The following ZNF354B variants were observed in gnomAD, a reference collection of about 807,000 sequenced individuals.
The protein encoded by ZNF354B is zinc finger protein 354B.
In ZNF354B, 10 loss-of-function variants were observed where a neutral mutation model predicts 12.9. That is an observed-to-expected ratio of 0.77 (90% CI 0.48 to 1.31). The LOEUF is 1.31. Among genes scored for constraint, ZNF354B ranks in the 40% most tolerant of loss-of-function variants. The pLI, the probability that ZNF354B is intolerant of heterozygous loss-of-function variation, is 0.00. For missense variants in ZNF354B, 614 were observed against 711.7 expected (o/e 0.86, Z 1.56); for synonymous variants, 260 against 243.7 (o/e 1.07, Z -0.62).
In ZNF354B at chr5:178,882,724, C is replaced by G; in HGVS notation, c.272C>G (p.Pro91Arg). The change falls in exon 5 of 5, where the codon CCT becomes CGT. Residue 91 changes from proline to arginine, a missense_variant. Physicochemically the swap from Pro to Arg is moderately radical, Grantham distance 103. Coordinates refer to ENST00000322434, the MANE Select transcript of ZNF354B (RefSeq NM_058230.3). ...CTTTTTTCAGGATGTAAGAGCACAC[C>G]TAAAATGACAAAGTCAACTCAAACT... Reference protein sequence around the residue: ...GVSSLGCKSTPKMTKSTQTQD... With the variant: ...GVSSLGCKSTRKMTKSTQTQD... 1 of 1,564,870 alleles carries G rather than the reference C, an allele frequency of 6.4e-7. No individual in the cohort carries two copies. Among genetic ancestry groups the G allele is most frequent in the Non-Finnish European group, 8.6e-7 (1 of 1,165,490 alleles).
At chr5:178,871,741 C>T (rs779652330) in intron 4 of ZNF354B, among the ~76,000 whole-genome samples, 9 of 151,890 alleles carry the variant, frequency 5.9e-5, no homozygotes, top group Non-Finnish European at 1.0e-4. Context: ...GACTTGGATT[C>T]GATGTGGAAG....
chr5:178,878,099 T>G (rs1180903541), intron 4 of ZNF354B, among the ~76,000 whole-genome samples: 1 of 151,960 alleles, frequency 6.6e-6, no homozygotes, highest in African/African-American at 2.4e-5. Flanking sequence ...AAAGTCACAG[T>G]TAGGCCGGGC....
rs1757619486 is a variant in ZNF354B, at chr5:178,875,195, C to G, written c.257-7514C>G. The stretch of plus-strand genomic sequence containing the variant: ...CACATCTCAGCTTAGCATTGCCAGG[C>G]TGCCCACCATAGCTCTGGGGTGATC... On this transcript the variant is annotated intron_variant, in intron 4 of 4. Transcript: ENST00000322434. Among the ~76,000 whole-genome samples the G allele has an allele frequency of 2.0e-5, 3 of 152,310 alleles. 1 individual carries two copies. Among genetic ancestry groups the G allele is most frequent in the South Asian group, 4.1e-4 (2 of 4,826 alleles).
intron 1 of ZNF354B, 39 bp downstream of exon 1, chr5:178,860,166 C>G (rs544770444): frequency 2.6e-5 from 4 of 152,516 alleles, no homozygotes; most frequent in Admixed American, 2.6e-4. Context: ...GGAGGCGGCG[C>G]CTGGCGCCAG....
intron 3 of ZNF354B, 148 bp from the exon 4 acceptor site, chr5:178,866,828 C>G: frequency 2.8e-6 from 2 of 703,202 alleles, no homozygotes; most frequent in East Asian, 2.8e-5. Flanking sequence ...ATAGATCATT[C>G]TATAGATGCC....
chr5:178,881,783 A>G (rs1339573588), intron 4 of ZNF354B, among the ~76,000 whole-genome samples: 1 of 152,186 alleles, frequency 6.6e-6, no homozygotes, highest in Non-Finnish European at 1.5e-5. Flanking sequence ...AGCTAGGATT[A>G]CAGGCGTGCG....
chr5:178,882,575 G>A, intron 4 of ZNF354B, 134 bp from the exon 5 acceptor site: 2 of 802,726 alleles, frequency 2.5e-6, no homozygotes, highest in Non-Finnish European at 3.6e-6. Flanking sequence ...ATTTTATATA[G>A]TGTTTTTTAG....
chr5:178,873,133 TAGTTG>T (rs1463125113), intron 4 of ZNF354B, among the ~76,000 whole-genome samples: 3 of 152,224 alleles, frequency 2.0e-5, no homozygotes, highest in Admixed American at 2.0e-4. Flanking sequence ...GTTCATTTTC[TAGTTG>T]AGTTATTTTG....
At chr5:178,874,047 C>G (rs1757600996) in intron 4 of ZNF354B, among the ~76,000 whole-genome samples, 1 of 150,748 alleles carries the variant, frequency 6.6e-6, no homozygotes, top group African/African-American at 2.4e-5. Flanking sequence ...ACCTCCACTT[C>G]CTGGGCTCAA....
Position 178,883,272 on chromosome 5 carries a change from G to C in ZNF354B, c.820G>C (p.Glu274Gln), listed in dbSNP as rs377384765. The C allele has an allele frequency of 2.5e-6, 4 of 1,613,346 alleles. No individual in the cohort carries two copies. The South Asian group carries it at 4.4e-5, about 18-fold the overall frequency. The change falls in exon 5 of 5, where the codon GAA (glutamate) becomes CAA (glutamine). Residue 274 changes from glutamate to glutamine, a missense_variant. Transcript: ENST00000322434. ...HTGEKPYICKECGKAFSHSAS... is the reference protein window; with the variant it reads ...HTGEKPYICKQCGKAFSHSAS... The stretch of plus-strand genomic sequence containing the variant: ...AGGAGAGAAACCCTATATATGTAAA[G>C]AATGTGGGAAAGCCTTCAGCCATAG...
chr5:178,866,839 A>G, intron 3 of ZNF354B, 137 bp from the exon 4 acceptor site: 1 of 743,856 alleles, frequency 1.3e-6, no homozygotes, highest in Non-Finnish European at 2.2e-6. Flanking sequence ...TATAGATGCC[A>G]GTTTATAAGT....
Position 178,860,615 on chromosome 5 carries a change from T to C in ZNF354B, c.-51-382T>C, listed in dbSNP as rs930865559. ...GGAAGTCGTCCCGGGGCCGTCGTGGTGGGAGTCCCGGCCCGCCTCGCAGCG... is the reference window on the plus strand; with the variant it reads ...GGAAGTCGTCCCGGGGCCGTCGTGGCGGGAGTCCCGGCCCGCCTCGCAGCG... On this transcript the variant is annotated intron_variant, in intron 1 of 4. Transcript: ENST00000322434. 120 of 171,072 alleles carry C rather than the reference T, an allele frequency of 7.0e-4. 1 individual carries two copies. The highest frequency in any genetic ancestry group is 7.2e-4 in the Admixed American group (12 of 16,566). 10.6% of individuals were successfully genotyped at this position (171,072 alleles called of 1,614,324 possible).
At chr5:178,878,817 T>G (rs189318854) in intron 4 of ZNF354B, among the ~76,000 whole-genome samples, 230 of 151,902 alleles carry the variant, frequency 1.5e-3, no homozygotes, top group African/African-American at 5.1e-3. Context: ...ATTCTCTGCC[T>G]TAGCCTCCCA....
At chr5:178,864,391 G>A (rs1757413251) in intron 2 of ZNF354B, among the ~76,000 whole-genome samples, 2 of 152,154 alleles carry the variant, frequency 1.3e-5, no homozygotes, top group African/African-American at 4.8e-5. Flanking sequence ...TATAGCCCGG[G>A]TGTGTGGGAG....
At chr5:178,870,851 G>A (rs1037633881) in intron 4 of ZNF354B, among the ~76,000 whole-genome samples, 1 of 151,572 alleles carries the variant, frequency 6.6e-6, no homozygotes, top group Admixed American at 6.6e-5. Flanking sequence ...AGAGATGGAG[G>A]TCTTGCTATG....
rs574349164 is a variant in ZNF354B at position 178,860,069 on chromosome 5, C to T, written c.-110C>T. The T allele has an allele frequency of 1.3e-5, 2 of 152,612 alleles. No homozygotes were observed. Among genetic ancestry groups the T allele is most frequent in the South Asian group, 4.1e-4 (2 of 4,834 alleles). 9.5% of individuals were successfully genotyped at this position (152,612 alleles called of 1,614,324 possible). On this transcript the variant is annotated 5_prime_UTR_variant, in exon 1 of 5. Coordinates refer to ENST00000322434, the MANE Select transcript of ZNF354B (RefSeq NM_058230.3). ...GAGGAGCCGGGTCACGAGGCTGGAG[C>T]TTCCTGCTTGCAGAGTGCGGCGGGG...
At chr5:178,870,255 G>A (rs1370771389) in intron 4 of ZNF354B, among the ~76,000 whole-genome samples, 1 of 152,196 alleles carries the variant, frequency 6.6e-6, no homozygotes, top group East Asian at 1.9e-4. Context: ...CGAACCTCCA[G>A]TAGCCTCAAA....
chr5:178,882,055 A>G (rs922867504), intron 4 of ZNF354B, among the ~76,000 whole-genome samples: 3 of 150,344 alleles, frequency 2.0e-5, no homozygotes, highest in Non-Finnish European at 4.4e-5. Flanking sequence ...TAGTGTATTT[A>G]ATAGATACTA....
chr5:178,883,426 C>A lies in ZNF354B; in HGVS notation c.974C>A (p.Pro325His). ...IHQKIHAQEN[P>H]HKYNPGRKAS... The stretch of plus-strand genomic sequence containing the variant: ...CAAAAAATCCATGCTCAAGAAAATC[C>A]CCATAAATACAATCCAGGCAGGAAG... The change falls in exon 5 of 5, where the codon CCC becomes CAC. Residue 325 changes from proline to histidine, a missense_variant. By Grantham distance (77) the Pro-to-His change is moderately conservative (BLOSUM62 -2). Transcript: ENST00000322434. The A allele has an allele frequency of 6.2e-7, 1 of 1,614,006 alleles. No individual in the cohort carries two copies. The highest frequency in any genetic ancestry group is 8.5e-7 in the Non-Finnish European group (1 of 1,179,948).
Sources: gnomAD v4.1 joint callset for allele counts (sites outside exome capture counted in the v4.1 genomes callset) on GRCh38, gnomAD v4.1.1 for gene constraint, MANE v1.5 for transcripts, NCBI Gene and HGNC (gene_info 2026-07-23, HGNC 2026-07-21) for gene names.